The following SCNN1B variants were observed in gnomAD, a reference collection of about 807,000 sequenced individuals.
SCNN1B encodes sodium channel epithelial 1 subunit beta, also known as epithelial sodium channel subunit beta.
In SCNN1B, 46 loss-of-function variants were observed where a neutral mutation model predicts 65.3. That is an observed-to-expected ratio of 0.70 (90% CI 0.56 to 0.90). The LOEUF is 0.90. Ranked by LOEUF, SCNN1B falls within the 40% of genes least tolerant of loss-of-function variation. The pLI is 0.00. For synonymous variants in SCNN1B, 349 were observed against 330.6 expected (o/e 1.06, Z -0.60); for missense variants, 751 against 830.5 (o/e 0.90, Z 1.18).
chr16:23,355,145 T>C (rs1421788354), intron 3 of SCNN1B, among the ~76,000 whole-genome samples, 154 bp from the exon 4 acceptor site: 1 of 152,108 alleles, frequency 6.6e-6, no homozygotes, highest in Non-Finnish European at 1.5e-5. Context: ...TGAGCATGTG[T>C]GAGCATGAGT....
intron 1 of SCNN1B, among the ~76,000 whole-genome samples, chr16:23,327,825 T>A (rs569226068): frequency 6.6e-6 from 1 of 152,174 alleles, no homozygotes; most frequent in Admixed American, 6.5e-5. Flanking sequence ...AAAGGCCAGA[T>A]GTACACTTGT....
At chr16:23,342,161 A>G (rs543017162) in intron 1 of SCNN1B, among the ~76,000 whole-genome samples, 1 of 152,372 alleles carries the variant, frequency 6.6e-6, no homozygotes, top group South Asian at 2.1e-4. Context: ...CAATAGAAAG[A>G]AATGAAGCAC....
At chr16:23,322,362 A>G (rs75458901) in intron 1 of SCNN1B, among the ~76,000 whole-genome samples, 5,402 of 152,210 alleles carry the variant, frequency 0.035, 309 homozygotes, top group African/African-American at 0.12. Context: ...GTGCAGTGAC[A>G]TGATCACGGG....
chr16:23,283,396 G>A (rs1231288839), intron 1 of SCNN1B, among the ~76,000 whole-genome samples: 3 of 152,182 alleles, frequency 2.0e-5, no homozygotes, highest in Non-Finnish European at 4.4e-5. Flanking sequence ...AGGCAACAGA[G>A]CAAGACTCCA....
intron 1 of SCNN1B, among the ~76,000 whole-genome samples, chr16:23,331,131 G>A (rs1353209235): frequency 6.6e-6 from 1 of 152,196 alleles, no homozygotes; most frequent in African/African-American, 2.4e-5. Context: ...GCAGGGCTGT[G>A]TTGAAGAGGG....
At chr16:23,310,344 T>C (rs1381883680) in intron 1 of SCNN1B, among the ~76,000 whole-genome samples, 1 of 149,408 alleles carries the variant, frequency 6.7e-6, no homozygotes, top group Non-Finnish European at 1.5e-5. Flanking sequence ...CCAAGCTAGT[T>C]AAAATATTTG....
intron 1 of SCNN1B, among the ~76,000 whole-genome samples, chr16:23,335,191 T>C (rs1213930669): frequency 1.3e-5 from 2 of 152,220 alleles, no homozygotes; most frequent in Non-Finnish European, 2.9e-5. Context: ...AACATTGATA[T>C]GCTGCAAAAT....
At chr16:23,341,420 C>T (rs1396361719) in intron 1 of SCNN1B, among the ~76,000 whole-genome samples, 1 of 151,950 alleles carries the variant, frequency 6.6e-6, no homozygotes, top group Non-Finnish European at 1.5e-5. Flanking sequence ...AGATATGAAA[C>T]CAAAGCACAC....
Position 23,319,103 on chromosome 16 carries a change from C to G in SCNN1B, c.-9+16666C>G, listed in dbSNP as rs1286724368. Among the ~76,000 whole-genome samples, 4 of 151,230 alleles carry G rather than the reference C, an allele frequency of 2.6e-5. No homozygotes were observed. The East Asian group carries it at 5.8e-4, about 22-fold the overall frequency. On this transcript the variant is annotated intron_variant, in intron 1 of 12. Coordinates refer to ENST00000343070, the MANE Select transcript of SCNN1B (RefSeq NM_000336.3). ...GTGCCCAGGCTGGAGTGCAGTGGCG[C>G]GATCTCAGCTTACTGCAACCTCCAC...
chr16:23,339,179 G>T (rs948765237), intron 1 of SCNN1B, among the ~76,000 whole-genome samples: 1 of 151,924 alleles, frequency 6.6e-6, no homozygotes, highest in Admixed American at 6.6e-5. Flanking sequence ...TTTTATATAC[G>T]TCCATGTTTT....
chr16:23,305,740 C>A (rs991594684), intron 1 of SCNN1B, among the ~76,000 whole-genome samples: 2 of 149,788 alleles, frequency 1.3e-5, no homozygotes, highest in Non-Finnish European at 3.0e-5. Context: ...GAGTGAGACC[C>A]TGCCTCAAAA....
chr16:23,344,246 T>C lies in SCNN1B; in HGVS notation c.-8-4346T>C, dbSNP rs12927347. 4.4e-3 allele frequency among the ~76,000 whole-genome samples: 669 copies of C among 152,368 alleles called. 2 individuals carry two copies. The highest frequency in any genetic ancestry group is 8.1e-3 in the Non-Finnish European group (551 of 68,026). ...CAGAATGTTACCCATTCTAACTAGATACTGTTGCCTGAGCCTGAGGCCTCA... is the reference window on the plus strand; with the variant it reads ...CAGAATGTTACCCATTCTAACTAGACACTGTTGCCTGAGCCTGAGGCCTCA... On this transcript the variant is annotated intron_variant, in intron 1 of 12. Transcript: ENST00000343070.
chr16:23,349,426 G>A (rs773655119), intron 2 of SCNN1B, among the ~76,000 whole-genome samples: 5 of 152,210 alleles, frequency 3.3e-5, no homozygotes, highest in Non-Finnish European at 5.9e-5. Flanking sequence ...GCTCGAGGCT[G>A]CAGTGGGCTG....
At chr16:23,305,799 C>G (rs981631073) in intron 1 of SCNN1B, among the ~76,000 whole-genome samples, 7 of 151,672 alleles carry the variant, frequency 4.6e-5, no homozygotes, top group Admixed American at 1.3e-4. Flanking sequence ...GGGCCAGACA[C>G]TCAGCTGCCC....
intron 8 of SCNN1B, among the ~76,000 whole-genome samples, chr16:23,376,345 C>CGTGTGTGT (rs10584896): frequency 6.7e-6 from 1 of 148,444 alleles, no homozygotes; most frequent in Non-Finnish European, 1.5e-5. Flanking sequence ...CTTTTGTGCA[C>CGTGTGTGT]GTGTGTGTGT....
Position 23,371,832 on chromosome 16 carries a change from G to A in SCNN1B, c.1101G>A (p.Glu367=). ...PYSPCTVNGS[E]VPVQNFYSDY... is the part of the protein sequence containing the mutation. Reference sequence around the variant, plus strand: ...GCCCGTGCACCGTGAATGGTTCTGAGGTCCCCGTCCAAAACTTCTACAGTG... The same window carrying A: ...GCCCGTGCACCGTGAATGGTTCTGAAGTCCCCGTCCAAAACTTCTACAGTG... Residue 367 remains glutamate (E), a synonymous_variant, in exon 7 of 13, where the codon GAG becomes GAA. Coordinates refer to ENST00000343070, the MANE Select transcript of SCNN1B (RefSeq NM_000336.3). 6.2e-7 allele frequency: 1 copy of A among 1,614,258 alleles called. No homozygotes were observed. The highest frequency in any genetic ancestry group is 1.6e-4 in the Middle Eastern group (1 of 6,062).
intron 1 of SCNN1B, among the ~76,000 whole-genome samples, chr16:23,341,626 C>G (rs1186629308): frequency 2.0e-5 from 3 of 151,786 alleles, no homozygotes; most frequent in Admixed American, 6.6e-5. Flanking sequence ...GATAAATAGC[C>G]CAGTTAAAAA....
intron 7 of SCNN1B, 96 bp from the exon 8 acceptor site, chr16:23,375,642 C>A: frequency 2.2e-6 from 2 of 890,014 alleles, no homozygotes; most frequent in Non-Finnish European, 1.9e-6. Flanking sequence ...CCTCCCTTAA[C>A]TTGGGCATCA....
intron 1 of SCNN1B, among the ~76,000 whole-genome samples, chr16:23,339,376 G>A (rs1962006879): frequency 6.6e-6 from 1 of 151,374 alleles, no homozygotes; most frequent in Non-Finnish European, 1.5e-5. Flanking sequence ...ATAAGTAAAA[G>A]TGGAATTGCT....
Sources: allele counts gnomAD v4.1 joint callset (sites outside exome capture counted in the v4.1 genomes callset), GRCh38; gene constraint gnomAD v4.1.1; transcripts MANE v1.5; gene names NCBI Gene and HGNC (gene_info 2026-07-23, HGNC 2026-07-21).